The following LPIN2 variants were observed in gnomAD, a reference collection of about 807,000 sequenced individuals.
LPIN2 encodes phosphatidate phosphatase LPIN2.
LPIN2 carries 55 observed loss-of-function variants against 111.4 expected under a neutral mutation model. That is an observed-to-expected ratio of 0.49 (90% confidence interval 0.40 to 0.62). The LOEUF is 0.62. Ranked by LOEUF, LPIN2 falls within the 20% of genes least tolerant of loss-of-function variation. The pLI, the probability that LPIN2 is intolerant of heterozygous loss-of-function variation, is 0.00. For synonymous variants in LPIN2, 425 were observed against 414.0 expected, an observed-to-expected ratio of 1.03 and a Z score of -0.32; for missense variants, 992 against 1,112.1, an observed-to-expected ratio of 0.89 and a Z score of 1.54.
chr18:2,971,018 AGTGGCGGCC>A (rs1176066347), intron 1 of LPIN2, among the ~76,000 whole-genome samples: 1 of 152,164 alleles, frequency 6.6e-6, no homozygotes, highest in East Asian at 1.9e-4. Flanking sequence ...CCTCTCTCCG[AGTGGCGGCC>A]CAGACCTTTA....
chr18:2,964,722 A>G (rs2077766596), intron 1 of LPIN2, among the ~76,000 whole-genome samples: 1 of 152,222 alleles, frequency 6.6e-6, no homozygotes, highest in Non-Finnish European at 1.5e-5. Flanking sequence ...GCTGCATTTC[A>G]GTTTTGGGAT....
chr18:2,927,793 C>A lies in LPIN2; in HGVS notation c.1639G>T (p.Val547Leu), dbSNP rs570344321. 1 of 1,614,192 alleles carries A rather than the reference C, an allele frequency of 6.2e-7. No homozygotes were observed. The highest frequency in any genetic ancestry group is 8.5e-7 in the Non-Finnish European group (1 of 1,180,024). ...GATTTCTTTGGCATCTTGTCTTTCA[C>A]CCAGGACTCAACTGTGGCCTGAAAA... The part of the protein sequence containing the change: ...SLPKATVESW[V>L]KDKMPKKSGR... The change falls in exon 12 of 20, where the codon GTG (valine) becomes TTG (leucine). Residue 547 changes from valine to leucine, a missense_variant. Physicochemically the swap from Val to Leu is conservative, Grantham distance 32. Around this residue, in one of 4 missense-constraint regions of LPIN2, gnomAD observed 709 missense variants for 753.2 expected, o/e 0.94. Transcript: ENST00000677752.
intron 1 of LPIN2, among the ~76,000 whole-genome samples, chr18:3,009,343 C>T (rs1239248097): frequency 6.6e-6 from 1 of 151,276 alleles, no homozygotes; most frequent in East Asian, 2.0e-4. Flanking sequence ...AGGTTGCAGT[C>T]AGCCGAGATC....
At chr18:2,960,514 TAAAA>T (rs376940122) in intron 2 of LPIN2, 131 bp downstream of exon 2, 9 of 738,938 alleles carry the variant, frequency 1.2e-5, no homozygotes, top group Non-Finnish European at 1.8e-5. Context: ...TCATTCAGGT[TAAAA>T]AAAAAAAAAG....
intron 1 of LPIN2, among the ~76,000 whole-genome samples, chr18:2,962,676 C>G (rs1034788181): frequency 2.0e-5 from 3 of 152,124 alleles, no homozygotes; most frequent in African/African-American, 7.2e-5. Flanking sequence ...CTCATGCATC[C>G]TTTTCATATT....
intron 1 of LPIN2, among the ~76,000 whole-genome samples, chr18:2,996,110 G>A (rs920721671): frequency 2.6e-5 from 4 of 152,134 alleles, no homozygotes; most frequent in African/African-American, 9.7e-5. Context: ...GGAGGCCGAG[G>A]CGGGCGGATC....
intron 1 of LPIN2, among the ~76,000 whole-genome samples, chr18:3,001,055 C>A (rs1472359117): frequency 1.3e-5 from 2 of 152,160 alleles, no homozygotes; most frequent in Admixed American, 1.3e-4. Flanking sequence ...AGTAACAATT[C>A]TAAAGGAAAA....
intron 3 of LPIN2, among the ~76,000 whole-genome samples, chr18:2,952,513 TA>T (rs1269881317): frequency 6.6e-6 from 1 of 152,240 alleles, no homozygotes; most frequent in Non-Finnish European, 1.5e-5. Flanking sequence ...TTTCTGTAAT[TA>T]TTTTTTTATT....
chr18:2,993,058 T>C (rs1180663997), intron 1 of LPIN2, among the ~76,000 whole-genome samples: 2 of 151,392 alleles, frequency 1.3e-5, no homozygotes, highest in Non-Finnish European at 2.9e-5. Context: ...GGTGGGAGGA[T>C]GGCTTGAGCT....
chr18:2,937,098 T>C (rs982389493), intron 7 of LPIN2, among the ~76,000 whole-genome samples: 1 of 152,216 alleles, frequency 6.6e-6, no homozygotes, highest in Admixed American at 6.5e-5. Flanking sequence ...TTAATTTTAC[T>C]CATCAATTGA....
chr18:2,939,431 A>C, intron 6 of LPIN2, 49 bp downstream of exon 6: 2 of 1,610,008 alleles, frequency 1.2e-6, no homozygotes, highest in East Asian at 4.5e-5. Context: ...GGAATTCGTC[A>C]CTTGTTTAAT....
At chr18:2,955,142 C>T (rs1488610164) in intron 2 of LPIN2, among the ~76,000 whole-genome samples, 1 of 152,062 alleles carries the variant, frequency 6.6e-6, no homozygotes, top group African/African-American at 2.4e-5. Flanking sequence ...TAAGTAATAT[C>T]ATGTCAAAAA....
rs577293096 is a variant in LPIN2, at chr18:2,997,133, C to A, written c.-10+15954G>T. ...AGTAGCTAGGATTACAGGTACCCACCCCCACGCCTGGCTAATTTTTGTATT... is the reference window on the plus strand; with the variant it reads ...AGTAGCTAGGATTACAGGTACCCACACCCACGCCTGGCTAATTTTTGTATT... On this transcript the variant is annotated intron_variant, in intron 1 of 19. Coordinates refer to ENST00000677752, the MANE Select transcript of LPIN2 (RefSeq NM_001375808.2). 2.6e-5 allele frequency among the ~76,000 whole-genome samples: 4 copies of A among 152,224 alleles called. No individual in the cohort carries two copies. The South Asian group carries it at 6.2e-4, about 24-fold the overall frequency.
intron 1 of LPIN2, among the ~76,000 whole-genome samples, chr18:2,963,331 A>G (rs2077742320): frequency 2.7e-5 from 4 of 150,188 alleles, no homozygotes; most frequent in Admixed American, 2.6e-4. Flanking sequence ...TTGAAGCAGA[A>G]TCTAGTGCCA....
At chr18:2,990,797 T>A in intron 1 of LPIN2, 1 of 385,606 alleles carries the variant, frequency 2.6e-6, no homozygotes, top group Non-Finnish European at 5.2e-6. Flanking sequence ...AAAATAAGGG[T>A]TGCACTTCAA....
chr18:2,967,295 A>C (rs1409235005), intron 1 of LPIN2, among the ~76,000 whole-genome samples: 1 of 151,926 alleles, frequency 6.6e-6, no homozygotes, highest in Admixed American at 6.6e-5. Context: ...CCCTGAGGGC[A>C]AAAAAAATCT....
chr18:2,920,558 T>C, intron 19 of LPIN2, 121 bp from the exon 20 acceptor site: 1 of 1,056,730 alleles, frequency 9.5e-7, no homozygotes, highest in Non-Finnish European at 1.5e-6. Flanking sequence ...GAGGCAGGCC[T>C]CAGTCCCATC....
intron 1 of LPIN2, among the ~76,000 whole-genome samples, chr18:3,010,977 G>C (rs889685370): frequency 6.6e-6 from 1 of 152,164 alleles, no homozygotes; most frequent in Admixed American, 6.5e-5. Context: ...CCGTCTTCCA[G>C]GTCACTGGTA....
intron 1 of LPIN2, chr18:2,967,669 G>A (rs531131369): frequency 6.6e-6 from 1 of 152,296 alleles, no homozygotes; most frequent in African/African-American, 2.4e-5. Flanking sequence ...CGCAGTCTAG[G>A]GTAAGTTGAA....
Sources: allele counts gnomAD v4.1 joint callset (sites outside exome capture counted in the v4.1 genomes callset), GRCh38; gene constraint gnomAD v4.1.1; regional missense constraint gnomAD v4.1.1; transcripts MANE v1.5; gene names NCBI Gene and HGNC (gene_info 2026-07-23, HGNC 2026-07-21).